RAB11FIP4: variants seen among roughly 807,000 people sequenced by gnomAD.
RAB11FIP4 encodes RAB11 family interacting protein 4.
Under a neutral mutation model 74.3 loss-of-function variants are expected in RAB11FIP4, and 23 were observed. The ratio of observed to expected loss-of-function variants is 0.31; its 90% confidence interval spans 0.22 to 0.44. The LOEUF is 0.44. RAB11FIP4 is among the 20% of genes least tolerant of loss of function. The pLI, the probability that RAB11FIP4 is intolerant of heterozygous loss-of-function variation, is 1.00. For missense variants in RAB11FIP4, 630 were observed against 863.9 expected (o/e 0.73, Z 3.39); for synonymous variants, 360 against 359.9 (o/e 1.00, Z 0.00).
chr17:31,492,067 C>T (rs899246530), intron 3 of RAB11FIP4, among the ~76,000 whole-genome samples: 6 of 152,214 alleles, frequency 3.9e-5, no homozygotes, highest in South Asian at 2.1e-4. Context: ...CAGCTCCTGT[C>T]GGGTAGGGAC....
rs1174898937 is a variant in RAB11FIP4 at position 31,517,860 on chromosome 17, G to A, written c.546G>A (p.Leu182=). ...AGAAGGACGGGGGACTTGGGGGCCT[G>A]TTTCTGCCAGAAGACAAGTGAGTTA... is the stretch of plus-strand genomic sequence containing the variant. ...PAEKDGGLGG[L]FLPEDKSLVH... is the part of the protein sequence containing the mutation. The change falls in exon 4 of 15, where the codon CTG becomes CTA. Residue 182 remains leucine, a synonymous_variant. Coordinates refer to ENST00000621161, the MANE Select transcript of RAB11FIP4 (RefSeq NM_032932.6). The A allele has an allele frequency of 6.4e-7, 1 of 1,551,552 alleles. No homozygotes were observed. The highest frequency in any genetic ancestry group is 8.7e-7 in the Non-Finnish European group (1 of 1,146,974).
intron 3 of RAB11FIP4, among the ~76,000 whole-genome samples, chr17:31,505,337 T>G (rs1410723582): frequency 7.0e-6 from 1 of 142,462 alleles, no homozygotes; most frequent in Non-Finnish European, 1.5e-5. Context: ...GGAGTTTGTG[T>G]TGTTCTGGTC....
intron 3 of RAB11FIP4, among the ~76,000 whole-genome samples, chr17:31,498,776 A>T (rs1303932228): frequency 1.3e-5 from 2 of 152,188 alleles, no homozygotes; most frequent in Admixed American, 1.3e-4. Flanking sequence ...CTGAAAATGT[A>T]GCCTGACCTA....
At chr17:31,504,994 C>T (rs1045666228) in intron 3 of RAB11FIP4, among the ~76,000 whole-genome samples, 2 of 152,082 alleles carry the variant, frequency 1.3e-5, no homozygotes, top group African/African-American at 4.8e-5. Flanking sequence ...CCCATTTTTC[C>T]GTTTGGTAGA....
chr17:31,441,026 G>GT (rs796267649), intron 3 of RAB11FIP4, among the ~76,000 whole-genome samples: 44 of 151,832 alleles, frequency 2.9e-4, no homozygotes, highest in African/African-American at 1.0e-3. Context: ...TTCTTTTTTG[G>GT]TTTTTTGGGT....
intron 3 of RAB11FIP4, among the ~76,000 whole-genome samples, chr17:31,453,321 A>ACT (rs2071543201): frequency 7.3e-6 from 1 of 136,962 alleles, no homozygotes; most frequent in Admixed American, 8.6e-5. Flanking sequence ...ACACGACTGC[A>ACT]CTCCAGCCTG....
At chr17:31,448,696 C>A (rs1258812165) in intron 3 of RAB11FIP4, among the ~76,000 whole-genome samples, 1 of 152,088 alleles carries the variant, frequency 6.6e-6, no homozygotes, top group Non-Finnish European at 1.5e-5. Context: ...TCAAGGCTGG[C>A]CTCAAGGAGG....
chr17:31,527,919 A>T lies in RAB11FIP4; in HGVS notation c.1352A>T (p.Asp451Val). 2.5e-6 allele frequency: 4 copies of T among 1,594,850 alleles called. No individual in the cohort carries two copies. The highest frequency in any genetic ancestry group is 3.4e-6 in the Non-Finnish European group (4 of 1,170,784). The change falls in exon 11 of 15, where the codon GAT becomes GTT. Residue 451 changes from aspartate to valine, a missense_variant. Physicochemically the swap from Asp to Val is radical, Grantham distance 152 (BLOSUM62 -3). Transcript: ENST00000621161. ...CTCAAGTCTCAAACAGAGAAACTGG[A>T]TGAGGTGAGCAGCAGATCCAGGCTT... ...TRLKSQTEKL[D>V]EERQRMSDRL...
At position 31,524,275 on chromosome 17, in the gene RAB11FIP4, G is replaced by A. The variant is rs148247746; in HGVS notation, c.1133+279G>A. 1.8e-3 allele frequency: 767 copies of A among 421,358 alleles called. 2 individuals carry two copies. Among genetic ancestry groups the A allele is most frequent in the African/African-American group, 0.014 (692 of 49,930 alleles). The allele number at this position is 421,358 out of a possible 1,614,324, so 26.1% of individuals were successfully genotyped here. A position where few individuals can be genotyped will look rare whatever the true frequency, so the allele number is the denominator to read the frequency against. On this transcript the variant is annotated intron_variant, in intron 9 of 14. Coordinates refer to ENST00000621161, the MANE Select transcript of RAB11FIP4 (RefSeq NM_032932.6). Reference sequence around the variant, plus strand: ...AGGGCTGGTCCAAGATGGGAGTGGGGATCCACTGTGTCTCACTCATACAGT... The same window carrying A: ...AGGGCTGGTCCAAGATGGGAGTGGGAATCCACTGTGTCTCACTCATACAGT...
At chr17:31,489,671 C>T (rs1448221138) in intron 3 of RAB11FIP4, among the ~76,000 whole-genome samples, 2 of 152,236 alleles carry the variant, frequency 1.3e-5, no homozygotes, top group Admixed American at 6.5e-5. Flanking sequence ...CTGCCCAGCT[C>T]TTCTAAGTTG....
At chr17:31,401,157 A>G (rs1180605841) in intron 1 of RAB11FIP4, among the ~76,000 whole-genome samples, 1 of 152,116 alleles carries the variant, frequency 6.6e-6, no homozygotes, top group African/African-American at 2.4e-5. Context: ...CTGTAGTCCC[A>G]GTTACTCGGG....
Position 31,528,653 on chromosome 17 carries a change from C to T in RAB11FIP4, c.1528C>T (p.Leu510=). The T allele has an allele frequency of 6.2e-7, 1 of 1,613,560 alleles. No individual in the cohort carries two copies. The highest frequency in any genetic ancestry group is 1.1e-5 in the South Asian group (1 of 91,044). ...IEDLRKELEH[L]QMYKLDCERP... ...GGACTTGCGGAAGGAGCTGGAGCAC[C>T]TGCAGATGTACAAGCTGGACTGCGA... The change falls in exon 13 of 15, where the codon CTG becomes TTG. Residue 510 remains leucine (L), a synonymous_variant. Transcript: ENST00000621161.
intron 3 of RAB11FIP4, among the ~76,000 whole-genome samples, chr17:31,492,591 G>A (rs764000432): frequency 9.9e-5 from 15 of 152,182 alleles, no homozygotes; most frequent in African/African-American, 2.9e-4. Context: ...CAGAGAAGGT[G>A]CCCCCAGAAG....
chr17:31,519,007 CTTTTTTTT>C (rs1190316585), intron 4 of RAB11FIP4, among the ~76,000 whole-genome samples: 3 of 73,978 alleles, frequency 4.1e-5, no homozygotes, highest in East Asian at 4.6e-4. Context: ...TAAGTTTTGT[CTTTTTTTT>C]TTTTTTTTTT....
chr17:31,487,777 C>G (rs1481562304), intron 3 of RAB11FIP4, among the ~76,000 whole-genome samples: 4 of 152,076 alleles, frequency 2.6e-5, no homozygotes, highest in Non-Finnish European at 4.4e-5. Context: ...CACACGCCGA[C>G]TCCTGGAGTC....
intron 1 of RAB11FIP4, among the ~76,000 whole-genome samples, chr17:31,422,052 G>A (rs1216865891): frequency 1.3e-5 from 2 of 152,042 alleles, no homozygotes; most frequent in African/African-American, 4.8e-5. Flanking sequence ...ACATATCCCT[G>A]TAGTCCCAGC....
Position 31,528,760 on chromosome 17 carries a change from G to C in RAB11FIP4, c.1635G>C (p.Glu545Asp), listed in dbSNP as rs1488465507. 5.0e-6 allele frequency: 8 copies of C among 1,609,818 alleles called. No homozygotes were observed. Among genetic ancestry groups the C allele is most frequent in the Non-Finnish European group, 6.8e-6 (8 of 1,179,036 alleles). The change falls in exon 13 of 15, where the codon GAG becomes GAC. Residue 545 changes from glutamate to aspartate, a missense_variant. Glu to Asp is a conservative substitution (Grantham distance 45). Coordinates refer to ENST00000621161, the MANE Select transcript of RAB11FIP4 (RefSeq NM_032932.6). The stretch of plus-strand genomic sequence containing the variant: ...CCCGCGAGGTGGAGCTCGAGCACGA[G>C]GTCAAGCGGCTCAAGCAGGTGGGTC... ...ARAREVELEH[E>D]VKRLKQENYK...
intron 3 of RAB11FIP4, among the ~76,000 whole-genome samples, chr17:31,471,229 A>AT (rs35208927): frequency 0.16 from 21,676 of 139,820 alleles, 1,904 homozygotes; most frequent in East Asian, 0.31. Flanking sequence ...TGCCCAGCTA[A>AT]TTTTTTTTTT....
chr17:31,493,462 G>A (rs1431357601), intron 3 of RAB11FIP4, among the ~76,000 whole-genome samples: 1 of 151,674 alleles, frequency 6.6e-6, no homozygotes, highest in African/African-American at 2.4e-5. Flanking sequence ...AATAGCTGCT[G>A]CTGCTCCGGT....
Sources: gnomAD v4.1 joint callset for allele counts (sites outside exome capture counted in the v4.1 genomes callset) on GRCh38, gnomAD v4.1.1 for gene constraint, MANE v1.5 for transcripts, NCBI Gene and HGNC (gene_info 2026-07-23, HGNC 2026-07-21) for gene names.